Variants in WWOX observed in about 807,000 individuals in gnomAD.
The protein encoded by WWOX is WW domain containing oxidoreductase.
Under a neutral mutation model 46.2 loss-of-function variants are expected in WWOX, and 69 were observed. That is an observed-to-expected ratio of 1.49 (90% CI 1.23 to 1.82). The LOEUF is 1.82. Among genes scored for constraint, WWOX ranks in the 40% most tolerant of loss-of-function variants. The pLI, the probability that WWOX is intolerant of heterozygous loss-of-function variation, is 0.00. For synonymous variants in WWOX, 359 were observed against 202.6 expected (o/e 1.77, Z -6.56); for missense variants, 919 against 542.6 (o/e 1.69, Z -6.89).
chr16:78,413,977 A>G (rs2082740441), intron 6 of WWOX, among the ~76,000 whole-genome samples: 1 of 151,852 alleles, frequency 6.6e-6, no homozygotes, highest in African/African-American at 2.4e-5. Flanking sequence ...CAACTGAAGA[A>G]CTACAAAAGA....
At chr16:78,743,818 A>G (rs985260792) in intron 8 of WWOX, among the ~76,000 whole-genome samples, 2 of 152,156 alleles carry the variant, frequency 1.3e-5, no homozygotes, top group African/African-American at 4.8e-5. Flanking sequence ...ATTGTGGGCC[A>G]TTACTTCATT....
intron 8 of WWOX, among the ~76,000 whole-genome samples, chr16:78,573,072 G>A (rs2044758832): frequency 6.6e-6 from 1 of 152,160 alleles, no homozygotes; most frequent in Admixed American, 6.5e-5. Context: ...CGGATCACGA[G>A]GTCAGGAGAG....
intron 8 of WWOX, among the ~76,000 whole-genome samples, chr16:78,652,760 G>A (rs1469333713): frequency 6.6e-6 from 1 of 152,158 alleles, no homozygotes; most frequent in East Asian, 1.9e-4. Context: ...ACTTGGTAAA[G>A]AAGCAGATAT....
At chr16:78,447,280 C>G (rs2083583573) in intron 8 of WWOX, among the ~76,000 whole-genome samples, 1 of 152,074 alleles carries the variant, frequency 6.6e-6, no homozygotes, top group African/African-American at 2.4e-5. Context: ...GTAACAATGG[C>G]AATATTTTAA....
intron 8 of WWOX, among the ~76,000 whole-genome samples, chr16:78,475,367 T>G (rs2084327391): frequency 2.0e-5 from 3 of 152,206 alleles, no homozygotes; most frequent in Admixed American, 1.3e-4. Context: ...AATATTAGTG[T>G]TGCTGAGATA....
intron 5 of WWOX, among the ~76,000 whole-genome samples, chr16:78,210,051 G>A (rs999715978): frequency 1.3e-5 from 2 of 152,084 alleles, no homozygotes; most frequent in Non-Finnish European, 2.9e-5. Flanking sequence ...AAAAAAAATT[G>A]TGGGTCCTGG....
At chr16:79,028,422 C>G (rs536418858) in intron 8 of WWOX, among the ~76,000 whole-genome samples, 3 of 151,700 alleles carry the variant, frequency 2.0e-5, no homozygotes, top group Non-Finnish European at 4.4e-5. Context: ...CAGTGTACAG[C>G]GCTTATCTGT....
intron 1 of WWOX, among the ~76,000 whole-genome samples, chr16:78,107,900 A>G (rs1486199638): frequency 6.6e-6 from 1 of 152,076 alleles, no homozygotes; most frequent in East Asian, 1.9e-4. Context: ...ACCAAAACAA[A>G]TACACAGCAA....
At chr16:78,494,883 C>G (rs577384193) in intron 8 of WWOX, among the ~76,000 whole-genome samples, 3 of 152,184 alleles carry the variant, frequency 2.0e-5, no homozygotes, top group African/African-American at 2.4e-5. Context: ...ACAGCCCATT[C>G]GGAGGGTTTT....
At chr16:78,691,254 C>G (rs550219448) in intron 8 of WWOX, 13 of 702,110 alleles carry the variant, frequency 1.9e-5, no homozygotes, top group African/African-American at 3.5e-5. Flanking sequence ...TTCAGACTGC[C>G]TGGTAGAAGG....
At chr16:79,089,535 T>C (rs1035997052) in intron 8 of WWOX, among the ~76,000 whole-genome samples, 1 of 152,192 alleles carries the variant, frequency 6.6e-6, no homozygotes, top group East Asian at 1.9e-4. Flanking sequence ...TTTCTCCATA[T>C]TGGTCAGGGT....
At position 79,144,257 on chromosome 16, in the gene WWOX, C is replaced by G. The variant is rs144216726; in HGVS notation, c.1057-67351C>G. 2.6e-3 allele frequency among the ~76,000 whole-genome samples: 392 copies of G among 152,290 alleles called. 2 individuals are homozygous for G. Among genetic ancestry groups the G allele is most frequent in the African/African-American group, 8.9e-3 (369 of 41,558 alleles). On this transcript the variant is annotated intron_variant, in intron 8 of 8. Transcript: ENST00000566780. ...TTTTCATCCCAGCTCTCCAATCCCC[C>G]AGCTGTGTGGGCCTGGTCAACCTGT...
chr16:78,979,560 G>C (rs914509167), intron 8 of WWOX, among the ~76,000 whole-genome samples: 1 of 152,154 alleles, frequency 6.6e-6, no homozygotes, highest in South Asian at 2.1e-4. Flanking sequence ...TAAGGCTCCT[G>C]TGACGGTTTC....
intron 5 of WWOX, among the ~76,000 whole-genome samples, chr16:78,228,976 TC>T (rs2037159934): frequency 6.6e-6 from 1 of 152,182 alleles, no homozygotes; most frequent in Non-Finnish European, 1.5e-5. Context: ...TGTACTTACT[TC>T]TATTTTTGCA....
intron 8 of WWOX, among the ~76,000 whole-genome samples, chr16:79,064,598 T>C (rs1189319320): frequency 2.0e-5 from 3 of 152,176 alleles, no homozygotes. Context: ...ATAGTTTTCC[T>C]GGAAAGACAT....
chr16:78,625,198 C>T (rs1013949169), intron 8 of WWOX, among the ~76,000 whole-genome samples: 1 of 152,172 alleles, frequency 6.6e-6, no homozygotes, highest in Non-Finnish European at 1.5e-5. Context: ...TTCATGAGGA[C>T]AGCTGCAGTT....
chr16:78,951,269 A>G (rs1396172330), intron 8 of WWOX, among the ~76,000 whole-genome samples: 3 of 152,206 alleles, frequency 2.0e-5, no homozygotes, highest in African/African-American at 7.2e-5. Context: ...TCATTTGCAG[A>G]CATGGCCAGC....
At chr16:78,821,351 C>T (rs2051487716) in intron 8 of WWOX, among the ~76,000 whole-genome samples, 1 of 152,164 alleles carries the variant, frequency 6.6e-6, no homozygotes, top group Admixed American at 6.5e-5. Context: ...CCCCAGCCCC[C>T]ACCCCACAAC....
chr16:78,689,822 C>G (rs2047944903), intron 8 of WWOX, among the ~76,000 whole-genome samples: 1 of 152,158 alleles, frequency 6.6e-6, no homozygotes, highest in Non-Finnish European at 1.5e-5. Flanking sequence ...GTCTTCCTTA[C>G]CATTTTAACA....
Sources: allele counts gnomAD v4.1 joint callset (sites outside exome capture counted in the v4.1 genomes callset), GRCh38; gene constraint gnomAD v4.1.1; transcripts MANE v1.5; gene names NCBI Gene and HGNC (gene_info 2026-07-23, HGNC 2026-07-21).